PRKAA1: variants seen among roughly 807,000 people sequenced by gnomAD.
PRKAA1 encodes protein kinase AMP-activated catalytic subunit alpha 1.
A neutral mutation model predicts 56.9 loss-of-function variants in PRKAA1; 23 were observed. The ratio of observed to expected loss-of-function variants is 0.40; its 90% CI spans 0.29 to 0.57. PRKAA1 has a LOEUF of 0.57. Ranked by LOEUF, PRKAA1 falls within the 20% of genes least tolerant of loss-of-function variation. PRKAA1 has a pLI of 0.39. For missense variants in PRKAA1, 413 were observed against 679.7 expected (o/e 0.61, Z 4.36); for synonymous variants, 226 against 227.0 (o/e 1.00, Z 0.04).
intron 1 of PRKAA1, among the ~76,000 whole-genome samples, chr5:40,795,008 T>TACACACACACACAC (rs201435537): frequency 2.2e-3 from 329 of 150,048 alleles, no homozygotes; most frequent in African/African-American, 7.8e-3. Flanking sequence ...TACATATATA[T>TACACACACACACAC]ACACACACAC....
In PRKAA1 at chr5:40,767,590, G is replaced by A; in HGVS notation, c.697C>T (p.Leu233Phe). The change falls in exon 6 of 9, where the codon CTT becomes TTT. Residue 233 changes from leucine to phenylalanine, a missense_variant. Transcript: ENST00000397128. ...ATCCCATCACATATCTTCTTAAAAA[G>A]AGTTGGCACATGGTCATCATCAAAT... Reference protein sequence around the residue: ...LPFDDDHVPTLFKKICDGIFY... With the variant: ...LPFDDDHVPTFFKKICDGIFY... 1 of 1,613,448 alleles carries A rather than the reference G, an allele frequency of 6.2e-7. No individual in the cohort carries two copies. Among genetic ancestry groups the A allele is most frequent in the Non-Finnish European group, 8.5e-7 (1 of 1,179,460 alleles).
At chr5:40,785,353 C>A (rs1387184325) in intron 1 of PRKAA1, among the ~76,000 whole-genome samples, 1 of 152,120 alleles carries the variant, frequency 6.6e-6, no homozygotes, top group African/African-American at 2.4e-5. Context: ...GATTCTCCTA[C>A]CTCAGCCTCC....
At chr5:40,763,072 A>C in intron 8 of PRKAA1, 50 bp from the exon 9 acceptor site, 1 of 1,587,358 alleles carries the variant, frequency 6.3e-7, no homozygotes. Flanking sequence ...TTCTCCCAAA[A>C]ATTTTTGTAA....
intron 1 of PRKAA1, among the ~76,000 whole-genome samples, chr5:40,782,422 C>A (rs1042081229): frequency 6.6e-6 from 1 of 152,070 alleles, no homozygotes; most frequent in African/African-American, 2.4e-5. Flanking sequence ...CCAAAAGCAA[C>A]CTGGGCTATG....
chr5:40,794,276 A>C (rs1218037791), intron 1 of PRKAA1, among the ~76,000 whole-genome samples: 1 of 152,084 alleles, frequency 6.6e-6, no homozygotes, highest in Admixed American at 6.5e-5. Flanking sequence ...TTTGCTGGCC[A>C]TTTGTATATC....
At chr5:40,769,535 A>C (rs774620010) in intron 4 of PRKAA1, 32 bp from the exon 5 acceptor site, 1 of 1,499,676 alleles carries the variant, frequency 6.7e-7, no homozygotes, top group Non-Finnish European at 9.1e-7. Flanking sequence ...TACTCAAAAG[A>C]TTTCCCAAAG....
chr5:40,794,549 T>TCG lies in PRKAA1; in HGVS notation c.127+3513_127+3514insCG, dbSNP rs1194038777. ...CATTTGCTTTTGGGTTCTTAGTCAT[T>TCG]AAATCCTTGCCTAAGCCAATGTCTA... On this transcript the variant is annotated intron_variant, in intron 1 of 8. Transcript: ENST00000397128. Among the ~76,000 whole-genome samples, 19 of 129,388 alleles carry TCG rather than the reference T, an allele frequency of 1.5e-4. 6 individuals are homozygous for TCG. Among genetic ancestry groups the TCG allele is most frequent in the South Asian group, 7.4e-4 (3 of 4,058 alleles). The allele number at this position is 129,388 out of a possible 152,430, so 84.9% of individuals were successfully genotyped here.
rs371307629 is a variant in PRKAA1, at chr5:40,763,007, G to A, written c.1451C>T (p.Ala484Val). The A allele has an allele frequency of 9.9e-6, 16 of 1,613,820 alleles. No individual in the cohort carries two copies. The highest frequency in any genetic ancestry group is 1.7e-5 in the Admixed American group (1 of 59,986). The stretch of plus-strand genomic sequence containing the variant: ...CTGTGGAGTAGCAGTCCCTGATTTG[G>A]CTTCTGTAATTTCATCTGGGTAAAA... ...FRSIDDEITE[A>V]KSGTATPQRS... The change falls in exon 9 of 9, where the codon GCC becomes GTC. Residue 484 changes from alanine to valine, a missense_variant. By Grantham distance (64) the Ala-to-Val change is moderately conservative. Coordinates refer to ENST00000397128, the MANE Select transcript of PRKAA1 (RefSeq NM_006251.6).
intron 6 of PRKAA1, among the ~76,000 whole-genome samples, chr5:40,766,266 T>A (rs1002347261): frequency 1.3e-5 from 2 of 152,196 alleles, no homozygotes; most frequent in African/African-American, 4.8e-5. Flanking sequence ...CATATAATCT[T>A]TCCTTCTTCT....
chr5:40,796,716 G>GA (rs1444970140), intron 1 of PRKAA1, among the ~76,000 whole-genome samples: 2 of 152,156 alleles, frequency 1.3e-5, no homozygotes, highest in African/African-American at 4.8e-5. Flanking sequence ...CTATGACTCA[G>GA]AAAATGGCAA....
rs1209624022 is a variant in PRKAA1 at position 40,798,108 on chromosome 5, T to A, written c.82A>T (p.Ile28Phe). Residue 28 changes from isoleucine (I) to phenylalanine (F), a missense_variant, in exon 1 of 9, where the codon ATT (isoleucine) becomes TTT (phenylalanine). By Grantham distance (21) the Ile-to-Phe change is conservative (BLOSUM62 0). This residue lies in a region of PRKAA1 where 61 missense variants were observed against 73.1 expected (regional missense o/e 0.83). Coordinates refer to ENST00000397128, the MANE Select transcript of PRKAA1 (RefSeq NM_006251.6). ...HDGRVKIGHY[I>F]LGDTLGVGTF... is the part of the protein sequence containing the mutation. ...CCGACCCCCAGCGTGTCACCCAGAA[T>A]GTAGTGGCCGATCTTCACCCGCCCG... is the stretch of plus-strand genomic sequence containing the variant. 6.2e-7 allele frequency: 1 copy of A among 1,607,016 alleles called. No homozygotes were observed. The highest frequency in any genetic ancestry group is 8.5e-7 in the Non-Finnish European group (1 of 1,176,230).
At chr5:40,792,795 G>C (rs1744769251) in intron 1 of PRKAA1, among the ~76,000 whole-genome samples, 1 of 152,136 alleles carries the variant, frequency 6.6e-6, no homozygotes, top group South Asian at 2.1e-4. Context: ...AAGCATGGTG[G>C]CTCATGCCTG....
At chr5:40,783,871 T>G (rs1214660990) in intron 1 of PRKAA1, among the ~76,000 whole-genome samples, 1 of 152,188 alleles carries the variant, frequency 6.6e-6, no homozygotes, top group Non-Finnish European at 1.5e-5. Context: ...ATTGCACATG[T>G]GAAAGCAGTA....
At chr5:40,781,137 A>T (rs190903777) in intron 1 of PRKAA1, among the ~76,000 whole-genome samples, 103 of 152,234 alleles carry the variant, frequency 6.8e-4, no homozygotes, top group Non-Finnish European at 1.3e-3. Flanking sequence ...AACATTTGGG[A>T]TTTTAATCTT....
intron 1 of PRKAA1, among the ~76,000 whole-genome samples, chr5:40,785,112 A>C (rs1744413103): frequency 6.6e-6 from 1 of 152,314 alleles, no homozygotes; most frequent in Middle Eastern, 3.4e-3. Context: ...GAGTACCAGC[A>C]CCTACTATGT....
chr5:40,797,115 G>A (rs1744959069), intron 1 of PRKAA1, among the ~76,000 whole-genome samples: 1 of 152,118 alleles, frequency 6.6e-6, no homozygotes, highest in Non-Finnish European at 1.5e-5. Context: ...ATAGCTTTAG[G>A]GGTACAAGTG....
intron 6 of PRKAA1, among the ~76,000 whole-genome samples, chr5:40,765,663 T>C (rs1051658890): frequency 1.3e-5 from 2 of 152,188 alleles, no homozygotes; most frequent in African/African-American, 4.8e-5. Context: ...AGTTTTATGC[T>C]AAACACTTCA....
Position 40,762,657 on chromosome 5 carries a change from T to G in PRKAA1, c.*121A>C. Reference sequence around the variant, plus strand: ...ATCATGTTCCAATCCCTGTGCAAATTGCATTCCAAAACGCCAGCCCTCGGT... The same window carrying G: ...ATCATGTTCCAATCCCTGTGCAAATGGCATTCCAAAACGCCAGCCCTCGGT... On this transcript the variant is annotated 3_prime_UTR_variant, in exon 9 of 9. Transcript: ENST00000397128. 8.0e-7 allele frequency: 1 copy of G among 1,253,270 alleles called. No individual in the cohort carries two copies. Among genetic ancestry groups the G allele is most frequent in the Admixed American group, 2.5e-5 (1 of 40,492 alleles). The allele number at this position is 1,253,270 out of a possible 1,614,324, so 77.6% of individuals were successfully genotyped here. A position where few individuals can be genotyped will look rare whatever the true frequency, so the allele number is the denominator to read the frequency against.
At chr5:40,797,808 T>TACCAGCCCCTCGC (rs1745000303) in intron 1 of PRKAA1, among the ~76,000 whole-genome samples, 1 of 152,086 alleles carries the variant, frequency 6.6e-6, no homozygotes, top group African/African-American at 2.4e-5. Context: ...CAGCCCCTCG[T>TACCAGCCCCTCGC]ACCTACCAGC....
Sources: gnomAD v4.1 joint callset for allele counts (sites outside exome capture counted in the v4.1 genomes callset) on GRCh38, gnomAD v4.1.1 for gene constraint, gnomAD v4.1.1 regional missense constraint, MANE v1.5 for transcripts, NCBI Gene and HGNC (gene_info 2026-07-23, HGNC 2026-07-21) for gene names.